Variants in KHDRBS2 observed in about 807,000 individuals in gnomAD.
The protein encoded by KHDRBS2 is KH domain-containing, RNA-binding, signal transduction-associated protein 2.
Under a neutral mutation model 44.3 loss-of-function variants are expected in KHDRBS2, and 26 were observed. The ratio of observed to expected loss-of-function variants is 0.59; its 90% confidence interval spans 0.43 to 0.81. The LOEUF (loss-of-function observed/expected upper bound fraction) is 0.81. Ranked by LOEUF, KHDRBS2 falls within the 40% of genes least tolerant of loss-of-function variation. KHDRBS2 has a pLI of 0.00. For synonymous variants in KHDRBS2, 194 were observed against 151.1 expected (o/e 1.28, Z -2.08); for missense variants, 476 against 433.1 (o/e 1.10, Z -0.88).
chr6:61,893,084 C>A (rs1293623219), intron 6 of KHDRBS2, among the ~76,000 whole-genome samples: 5 of 152,144 alleles, frequency 3.3e-5, no homozygotes, highest in Non-Finnish European at 7.3e-5. Flanking sequence ...AACAAGTGGG[C>A]AAAGGATATG....
intron 1 of KHDRBS2, among the ~76,000 whole-genome samples, chr6:62,180,694 C>T (rs1822087688): frequency 6.6e-6 from 1 of 151,230 alleles, no homozygotes; most frequent in Non-Finnish European, 1.5e-5. Context: ...AAAAATAATC[C>T]CCAAATTTAT....
rs189689811 is a variant in KHDRBS2, at chr6:62,174,556, C to A, written c.219+2629G>T. On this transcript the variant is annotated intron_variant, in intron 2 of 8. Coordinates refer to ENST00000281156, the MANE Select transcript of KHDRBS2 (RefSeq NM_152688.4). Reference sequence around the variant, plus strand: ...TTAAATTTTAAACTTCATTCAATTTCTTGTAGCATTCAACTAAGTCAGCAG... The same window carrying A: ...TTAAATTTTAAACTTCATTCAATTTATTGTAGCATTCAACTAAGTCAGCAG... 2.6e-5 allele frequency among the ~76,000 whole-genome samples: 4 copies of A among 151,690 alleles called. No individual in the cohort carries two copies. The East Asian group carries it at 7.7e-4, about 29-fold the overall frequency.
At chr6:62,146,169 C>T (rs991049259) in intron 2 of KHDRBS2, among the ~76,000 whole-genome samples, 1 of 151,778 alleles carries the variant, frequency 6.6e-6, no homozygotes, top group Non-Finnish European at 1.5e-5. Flanking sequence ...CTCTATTCTA[C>T]TGAAAGGGCA....
chr6:61,630,089 G>A, the KHDRBS2 span: 1 of 152,158 alleles, frequency 6.6e-6, no homozygotes, highest in Non-Finnish European at 1.5e-5. Context: ...GCAAAACTAT[G>A]TGCTGATATA....
intron 3 of KHDRBS2, among the ~76,000 whole-genome samples, chr6:62,021,478 T>C (rs1161575216): frequency 6.6e-6 from 1 of 151,942 alleles, no homozygotes; most frequent in African/African-American, 2.4e-5. Flanking sequence ...TGTGTGTTTT[T>C]ATCCATTCTG....
At chr6:62,018,112 A>T (rs535935553) in intron 3 of KHDRBS2, among the ~76,000 whole-genome samples, 1 of 151,358 alleles carries the variant, frequency 6.6e-6, no homozygotes, top group South Asian at 2.1e-4. Context: ...CACTTAACAT[A>T]CATATTACCG....
intron 4 of KHDRBS2, among the ~76,000 whole-genome samples, chr6:61,954,526 A>G (rs1227332730): frequency 3.4e-5 from 5 of 148,252 alleles, no homozygotes; most frequent in African/African-American, 1.2e-4. Flanking sequence ...ATATACACAT[A>G]CATACGTATG....
downstream of KHDRBS2, among the ~76,000 whole-genome samples, chr6:61,677,121 G>C (rs541948646): frequency 3.3e-5 from 5 of 151,882 alleles, no homozygotes; most frequent in Middle Eastern, 3.4e-3. Flanking sequence ...TGCATATAAA[G>C]ATCTAGTCTG....
chr6:61,987,102 A>C (rs888190997), intron 3 of KHDRBS2, among the ~76,000 whole-genome samples: 1 of 152,216 alleles, frequency 6.6e-6, no homozygotes, highest in African/African-American at 2.4e-5. Context: ...AGAATTAAAA[A>C]TTCCAGCTTT....
At chr6:61,944,947 C>T (rs191892797) in intron 4 of KHDRBS2, among the ~76,000 whole-genome samples, 5 of 150,780 alleles carry the variant, frequency 3.3e-5, no homozygotes, top group East Asian at 2.0e-4. Flanking sequence ...AAAAATAAGC[C>T]GGGTGTGGTG....
the KHDRBS2 span, among the ~76,000 whole-genome samples, chr6:61,659,659 G>T: frequency 6.6e-6 from 1 of 151,564 alleles, no homozygotes; most frequent in Non-Finnish European, 1.5e-5. Flanking sequence ...AAAATCCACA[G>T]TCCTTATAAA....
intron 6 of KHDRBS2, among the ~76,000 whole-genome samples, chr6:61,744,914 T>A (rs970291098): frequency 6.6e-6 from 1 of 152,154 alleles, no homozygotes; most frequent in Admixed American, 6.6e-5. Flanking sequence ...TAACATTTAC[T>A]ACCGAAACTT....
intron 2 of KHDRBS2, among the ~76,000 whole-genome samples, chr6:62,066,521 C>T (rs35244557): frequency 2.1e-4 from 32 of 151,708 alleles, no homozygotes; most frequent in Non-Finnish European, 3.7e-4. Context: ...TATTGGCTTT[C>T]TAAGTAAATG....
At chr6:62,107,203 C>G (rs1803629385) in intron 2 of KHDRBS2, among the ~76,000 whole-genome samples, 2 of 152,062 alleles carry the variant, frequency 1.3e-5, no homozygotes, top group Non-Finnish European at 2.9e-5. Context: ...CCCATTGTCT[C>G]AGCCCAAAAT....
chr6:62,006,599 A>G (rs1013139275), intron 3 of KHDRBS2, among the ~76,000 whole-genome samples: 6 of 152,022 alleles, frequency 3.9e-5, no homozygotes, highest in African/African-American at 1.4e-4. Flanking sequence ...TTCAGCTAAC[A>G]ATAATAAAGT....
chr6:62,042,825 C>T (rs1437285443), intron 3 of KHDRBS2, among the ~76,000 whole-genome samples: 2 of 152,094 alleles, frequency 1.3e-5, no homozygotes, highest in Admixed American at 6.6e-5. Context: ...GCATCAAAGA[C>T]AGAAAAGCTT....
At chr6:61,563,551 C>A in the KHDRBS2 span, among the ~76,000 whole-genome samples, 3 of 152,036 alleles carry the variant, frequency 2.0e-5, no homozygotes, top group South Asian at 6.2e-4. Context: ...TTGATAGGAA[C>A]AATTTAGCTT....
intron 6 of KHDRBS2, among the ~76,000 whole-genome samples, chr6:61,809,011 A>T (rs1787658849): frequency 6.6e-6 from 1 of 152,130 alleles, no homozygotes; most frequent in Non-Finnish European, 1.5e-5. Context: ...TGATTGAAAT[A>T]AAAATTGTCT....
At chr6:61,798,972 A>C (rs1198316126) in intron 6 of KHDRBS2, among the ~76,000 whole-genome samples, 1 of 152,030 alleles carries the variant, frequency 6.6e-6, no homozygotes, top group Non-Finnish European at 1.5e-5. Context: ...GACAGCCTTG[A>C]ATTTTGTAGA....
Sources: allele counts gnomAD v4.1 joint callset (sites outside exome capture counted in the v4.1 genomes callset), GRCh38; gene constraint gnomAD v4.1.1; transcripts MANE v1.5; gene names NCBI Gene and HGNC (gene_info 2026-07-23, HGNC 2026-07-21).